EIF3A: variants seen among roughly 807,000 people sequenced by gnomAD.
EIF3A encodes eukaryotic translation initiation factor 3 subunit A, also known as EIF3, p180 subunit.
In EIF3A, 21 loss-of-function variants were observed where a neutral mutation model predicts 186.6. The ratio of observed to expected loss-of-function variants is 0.11; its 90% CI spans 0.08 to 0.16. The LOEUF is 0.16. EIF3A is among the 10% of genes least tolerant of loss of function. The pLI is 1.00. For synonymous variants in EIF3A, 563 were observed against 584.3 expected, an observed-to-expected ratio of 0.96 and a Z score of 0.52; for missense variants, 1,306 against 1,796.3, an observed-to-expected ratio of 0.73 and a Z score of 4.93.
At chr10:119,067,243 A>G (rs191235839) in intron 6 of EIF3A, among the ~76,000 whole-genome samples, 112 of 152,004 alleles carry the variant, frequency 7.4e-4, no homozygotes, top group Middle Eastern at 3.4e-3. Context: ...TGTGAATTAC[A>G]TAAGTGACAG....
intron 7 of EIF3A, among the ~76,000 whole-genome samples, chr10:119,063,407 T>C (rs1331241036): frequency 6.6e-6 from 1 of 152,248 alleles, no homozygotes; most frequent in Non-Finnish European, 1.5e-5. Context: ...AATTGACTAC[T>C]GCAGAAAATT....
intron 17 of EIF3A, among the ~76,000 whole-genome samples, chr10:119,048,987 G>A (rs1237462531): frequency 6.6e-6 from 1 of 152,138 alleles, no homozygotes; most frequent in Admixed American, 6.5e-5. Flanking sequence ...GTCTTTCATG[G>A]AACTCAGCAA....
intron 14 of EIF3A, among the ~76,000 whole-genome samples, chr10:119,053,555 T>C (rs1322075567): frequency 1.2e-4 from 1 of 8,012 alleles, no homozygotes; most frequent in Non-Finnish European, 2.7e-4. Context: ...CCACTAAAAA[T>C]ACAAAAAAAA....
intron 6 of EIF3A, among the ~76,000 whole-genome samples, chr10:119,068,902 G>A (rs1844025646): frequency 1.4e-5 from 2 of 143,554 alleles, no homozygotes; most frequent in African/African-American, 2.6e-5. Flanking sequence ...GAACCCAGCA[G>A]GCAGAGGATG....
At chr10:119,072,862 T>C in intron 4 of EIF3A, 28 bp downstream of exon 4, 2 of 1,584,808 alleles carry the variant, frequency 1.3e-6, no homozygotes, top group Non-Finnish European at 1.7e-6. Context: ...TCAAAGCACT[T>C]CACTCAGATT....
intron 9 of EIF3A, chr10:119,060,225 C>CA: frequency 2.1e-6 from 1 of 478,702 alleles, no homozygotes; most frequent in Non-Finnish European, 4.0e-6. Flanking sequence ...CTGACTTAAG[C>CA]CCCTGGACTA....
intron 3 of EIF3A, among the ~76,000 whole-genome samples, 178 bp downstream of exon 3, chr10:119,073,263 T>C (rs1248548887): frequency 1.3e-5 from 2 of 152,182 alleles, no homozygotes; most frequent in Non-Finnish European, 2.9e-5. Context: ...AGGCTGTCAT[T>C]TTCCACTTCT....
intron 1 of EIF3A, among the ~76,000 whole-genome samples, chr10:119,079,598 C>A (rs190766700): frequency 0.016 from 2,469 of 151,014 alleles, 70 homozygotes; most frequent in African/African-American, 0.057. Flanking sequence ...AAAAAAAAAA[C>A]CCTACACAAA....
At chr10:119,051,000 A>T (rs1848349081) in intron 15 of EIF3A, among the ~76,000 whole-genome samples, 199 bp downstream of exon 15, 1 of 152,240 alleles carries the variant, frequency 6.6e-6, no homozygotes, top group Non-Finnish European at 1.5e-5. Context: ...CTTGTATTAA[A>T]TTATGCATTC....
At chr10:119,070,128 T>C (rs1404600048) in intron 5 of EIF3A, among the ~76,000 whole-genome samples, 1 of 152,222 alleles carries the variant, frequency 6.6e-6, no homozygotes, top group Non-Finnish European at 1.5e-5. Context: ...AATCACACTT[T>C]CACTTGGCTC....
chr10:119,080,802 G>A lies in EIF3A; in HGVS notation c.-126C>T. The A allele has an allele frequency of 1.4e-6, 2 of 1,427,622 alleles. No individual in the cohort carries two copies. Among genetic ancestry groups the A allele is most frequent in the Non-Finnish European group, 1.8e-6 (2 of 1,088,252 alleles). The allele number at this position is 1,427,622 out of a possible 1,614,324, so 88.4% of individuals were successfully genotyped here. The stretch of plus-strand genomic sequence containing the variant: ...GCCAGCAGTCGCCCGCGCCCAGCCG[G>A]CCAGAGACGGAAAGGAAGGAGCCAC... On this transcript the variant is annotated 5_prime_UTR_variant, in exon 1 of 22. Coordinates refer to ENST00000369144, the MANE Select transcript of EIF3A (RefSeq NM_003750.4).
chr10:119,036,963 T>C (rs975936620), intron 21 of EIF3A, among the ~76,000 whole-genome samples, 156 bp downstream of exon 21: 1 of 152,040 alleles, frequency 6.6e-6, no homozygotes, highest in African/African-American at 2.4e-5. Flanking sequence ...AACATGACCA[T>C]TGAGTAACTG....
chr10:119,074,194 AG>A (rs1844120774), intron 1 of EIF3A, among the ~76,000 whole-genome samples: 1 of 152,170 alleles, frequency 6.6e-6, no homozygotes, highest in African/African-American at 2.4e-5. Flanking sequence ...GGCCGGGCGC[AG>A]TGGCTCATGC....
Position 119,072,718 on chromosome 10 carries a change from G to C in EIF3A, c.541+172C>G, listed in dbSNP as rs190152133. On this transcript the variant is annotated intron_variant, in intron 4 of 21. Coordinates refer to ENST00000369144, the MANE Select transcript of EIF3A (RefSeq NM_003750.4). ...GATCCACCCACCTTGACCTCCCAAA[G>C]TGCTGGGATTACAGGTGTGAGCCAC... is the stretch of plus-strand genomic sequence containing the variant. Among the ~76,000 whole-genome samples the C allele has an allele frequency of 1.1e-4, 17 of 152,296 alleles. 1 individual carries two copies. Among genetic ancestry groups the C allele is most frequent in the Admixed American group, 9.8e-4 (15 of 15,300 alleles).
At chr10:119,072,037 A>AG (rs1844081932) in intron 4 of EIF3A, among the ~76,000 whole-genome samples, 6 of 141,762 alleles carry the variant, frequency 4.2e-5, no homozygotes, top group Non-Finnish European at 7.6e-5. Context: ...AAAAAAAAAA[A>AG]AAAAAAAAAG....
Position 119,038,397 on chromosome 10 carries a change from C to T in EIF3A, c.3569G>A (p.Gly1190Asp). The stretch of plus-strand genomic sequence containing the variant: ...TGATGGCCTTGATTCTCGAGGTGGA[C>T]CCCAGCTCTCCTCTCTGGCTTTTTC... The part of the protein sequence containing the change: ...EKEKAREESW[G>D]PPRESRPSEE... Residue 1190 changes from glycine (G) to aspartate (D), a missense_variant, in exon 20 of 22, where the codon GGT (glycine) becomes GAT (aspartate). Transcript: ENST00000369144. 1 of 1,614,114 alleles carries T rather than the reference C, an allele frequency of 6.2e-7. No individual in the cohort carries two copies. The highest frequency in any genetic ancestry group is 8.5e-7 in the Non-Finnish European group (1 of 1,180,018).
intron 21 of EIF3A, 32 bp downstream of exon 21, chr10:119,037,087 T>A: frequency 1.9e-6 from 1 of 523,754 alleles, no homozygotes; most frequent in Non-Finnish European, 3.4e-6. Flanking sequence ...ACGACAGTTC[T>A]CCAATACTTC....
intron 17 of EIF3A, among the ~76,000 whole-genome samples, chr10:119,047,181 T>C (rs973402502): frequency 1.1e-4 from 16 of 152,172 alleles, no homozygotes; most frequent in African/African-American, 3.4e-4. Context: ...GGCAGGAGAA[T>C]TGCTTGAAAC....
chr10:119,041,878 G>A, intron 19 of EIF3A, 116 bp downstream of exon 19: 1 of 1,144,616 alleles, frequency 8.7e-7, no homozygotes, highest in Non-Finnish European at 1.2e-6. Context: ...TGATACTGAA[G>A]GAAAGATGAA....
Sources: gnomAD v4.1 joint callset for allele counts (sites outside exome capture counted in the v4.1 genomes callset) on GRCh38, gnomAD v4.1.1 for gene constraint, MANE v1.5 for transcripts, NCBI Gene and HGNC (gene_info 2026-07-23, HGNC 2026-07-21) for gene names.